BBS9: variants seen among roughly 807,000 people sequenced by gnomAD.
BBS9 encodes the protein protein PTHB1.
A neutral mutation model predicts 117.7 loss-of-function variants in BBS9; 89 were observed. The observed-to-expected ratio is 0.76, with a 90% CI of 0.64 to 0.90. The LOEUF (loss-of-function observed/expected upper bound fraction) is 0.90, where lower values mean the gene tolerates loss of function less well. Ranked by LOEUF, BBS9 falls within the 40% of genes least tolerant of loss-of-function variation. The pLI, the probability that BBS9 is intolerant of heterozygous loss-of-function variation, is 0.00. For missense variants in BBS9, 982 were observed against 1,042.2 expected, an observed-to-expected ratio of 0.94 and a Z score of 0.80; for synonymous variants, 379 against 370.9, an observed-to-expected ratio of 1.02 and a Z score of -0.25.
At chr7:33,141,979 A>C (rs966828050) in intron 1 of BBS9, among the ~76,000 whole-genome samples, 2 of 150,566 alleles carry the variant, frequency 1.3e-5, no homozygotes, top group Non-Finnish European at 2.9e-5. Flanking sequence ...TCTTTTGCCC[A>C]GGCCGGACTG....
chr7:33,517,369 T>G (rs1183353957), intron 20 of BBS9, among the ~76,000 whole-genome samples: 1 of 152,210 alleles, frequency 6.6e-6, no homozygotes, highest in African/African-American at 2.4e-5. Context: ...GCTCAACACC[T>G]GCAGTTTTTT....
At chr7:33,487,584 T>C (rs1843291016) in intron 19 of BBS9, among the ~76,000 whole-genome samples, 1 of 152,200 alleles carries the variant, frequency 6.6e-6, no homozygotes, top group African/African-American at 2.4e-5. Context: ...AACTATTGAG[T>C]CAAAGGCCTG....
intron 17 of BBS9, among the ~76,000 whole-genome samples, chr7:33,370,500 A>C (rs868794204): frequency 6.6e-6 from 1 of 152,130 alleles, no homozygotes; most frequent in Admixed American, 6.5e-5. Flanking sequence ...AATTTGGGAA[A>C]AATATGCTAG....
At chr7:33,542,803 ACAC>A (rs1852599883) in intron 21 of BBS9, among the ~76,000 whole-genome samples, 1 of 48,230 alleles carries the variant, frequency 2.1e-5, no homozygotes, top group South Asian at 1.3e-3. Context: ...ACACACACAC[ACAC>A]ACACACACAC....
intron 21 of BBS9, among the ~76,000 whole-genome samples, chr7:33,619,925 G>A (rs2598381): frequency 0.41 from 62,206 of 151,874 alleles, 18,010 homozygotes; most frequent in African/African-American, 0.82. Context: ...AAATAACCTA[G>A]TGTTACACCT....
At chr7:33,313,971 T>C (rs1169569523) in intron 9 of BBS9, among the ~76,000 whole-genome samples, 1 of 152,222 alleles carries the variant, frequency 6.6e-6, no homozygotes, top group East Asian at 1.9e-4. Flanking sequence ...GGTTTTTGTG[T>C]TCAGAATGAG....
chr7:33,264,120 A>T (rs182770671), intron 6 of BBS9, among the ~76,000 whole-genome samples, 170 bp from the exon 7 acceptor site: 48 of 152,238 alleles, frequency 3.2e-4, no homozygotes, highest in Middle Eastern at 6.8e-3. Flanking sequence ...ACACAGTTTT[A>T]TGTCACAATA....
At chr7:33,442,854 C>T (rs1836422635) in intron 19 of BBS9, among the ~76,000 whole-genome samples, 1 of 152,042 alleles carries the variant, frequency 6.6e-6, no homozygotes, top group Non-Finnish European at 1.5e-5. Flanking sequence ...CTGCATTGGT[C>T]CTTGTCCAAT....
chr7:33,568,321 A>G (rs983827123), intron 21 of BBS9, among the ~76,000 whole-genome samples: 3 of 152,122 alleles, frequency 2.0e-5, no homozygotes, highest in Non-Finnish European at 4.4e-5. Context: ...CTCAGCATGC[A>G]TGATATCTCC....
At chr7:33,177,835 T>G (rs1447121394) in intron 5 of BBS9, 1 of 442,130 alleles carries the variant, frequency 2.3e-6, no homozygotes. Flanking sequence ...GGAGACCAAA[T>G]ACCCAATCAA....
intron 5 of BBS9, among the ~76,000 whole-genome samples, chr7:33,236,793 T>C (rs1793605437): frequency 6.6e-6 from 1 of 152,230 alleles, no homozygotes; most frequent in African/African-American, 2.4e-5. Context: ...ATTAAAAATC[T>C]GTTCTTTTAG....
chr7:33,165,015 G>T (rs979717205), intron 4 of BBS9, among the ~76,000 whole-genome samples: 5 of 152,106 alleles, frequency 3.3e-5, no homozygotes, highest in African/African-American at 1.2e-4. Context: ...CTCTTGTAAG[G>T]CAGGTCTGGT....
chr7:33,381,421 C>T (rs1348235248), intron 17 of BBS9, among the ~76,000 whole-genome samples: 1 of 152,128 alleles, frequency 6.6e-6, no homozygotes, highest in Non-Finnish European at 1.5e-5. Flanking sequence ...TCCCCAGTGT[C>T]TTGCACTGAG....
intron 9 of BBS9, among the ~76,000 whole-genome samples, chr7:33,320,062 G>A (rs1811370539): frequency 6.6e-6 from 1 of 152,016 alleles, no homozygotes; most frequent in African/African-American, 2.4e-5. Flanking sequence ...CAAGGCAATG[G>A]GGGTTTCTTC....
At chr7:33,591,314 A>G (rs536084929) in intron 21 of BBS9, among the ~76,000 whole-genome samples, 15 of 152,234 alleles carry the variant, frequency 9.9e-5, no homozygotes, top group African/African-American at 3.6e-4. Context: ...CACACAGGCT[A>G]TAGAATCATT....
At chr7:33,486,669 A>C (rs1843151814) in intron 19 of BBS9, among the ~76,000 whole-genome samples, 1 of 152,158 alleles carries the variant, frequency 6.6e-6, no homozygotes, top group Non-Finnish European at 1.5e-5. Context: ...TCCTGACCCA[A>C]ACTGGAAGTC....
At position 33,264,172 on chromosome 7, in the gene BBS9, A is replaced by T. The variant is rs1461727171; in HGVS notation, c.618-118A>T. 2.6e-5 allele frequency: 12 copies of T among 460,262 alleles called. No individual in the cohort carries two copies. In the East Asian group the frequency reaches 5.2e-4, roughly 20 times the overall value. The allele number at this position is 460,262 out of a possible 1,614,324, so 28.5% of individuals were successfully genotyped here. A position where few individuals can be genotyped will look rare whatever the true frequency, so the allele number is the denominator to read the frequency against. On this transcript the variant is annotated intron_variant, in intron 6 of 22. Transcript: ENST00000242067. ...CAATCTTAAATTTTAGAGTTTTTAA[A>T]AACTAGGAAAAAGTGCTTTATAAAG... is the stretch of plus-strand genomic sequence containing the variant.
intron 19 of BBS9, among the ~76,000 whole-genome samples, chr7:33,477,690 T>C (rs1841984545): frequency 1.3e-5 from 2 of 152,204 alleles, no homozygotes; most frequent in South Asian, 4.1e-4. Flanking sequence ...TTCTTCAGTG[T>C]CCTGAAGCAC....
At chr7:33,442,608 T>C (rs1156488545) in intron 19 of BBS9, among the ~76,000 whole-genome samples, 1 of 152,246 alleles carries the variant, frequency 6.6e-6, no homozygotes, top group Non-Finnish European at 1.5e-5. Context: ...CATTCTGATC[T>C]GACAAATTAT....
Sources: allele counts gnomAD v4.1 joint callset (sites outside exome capture counted in the v4.1 genomes callset), GRCh38; gene constraint gnomAD v4.1.1; transcripts MANE v1.5; gene names NCBI Gene and HGNC (gene_info 2026-07-23, HGNC 2026-07-21).